Variants in CCDC150 observed in about 807,000 individuals in gnomAD.
CCDC150 encodes coiled-coil domain-containing protein 150.
A neutral mutation model predicts 156.5 loss-of-function variants in CCDC150; 151 were observed. That is an observed-to-expected ratio of 0.97 (90% CI 0.85 to 1.10). The LOEUF (loss-of-function observed/expected upper bound fraction) is 1.10, where lower values mean the gene tolerates loss of function less well. Ranked by LOEUF, CCDC150 falls within the 50% of genes least tolerant of loss-of-function variation. The pLI is 0.00. For synonymous variants in CCDC150, 452 were observed against 429.4 expected (o/e 1.05, Z -0.65); for missense variants, 1,312 against 1,268.1 (o/e 1.03, Z -0.53).
At chr2:196,717,222 G>C (rs1039141029) in intron 17 of CCDC150, among the ~76,000 whole-genome samples, 1 of 151,980 alleles carries the variant, frequency 6.6e-6, no homozygotes, top group African/African-American at 2.4e-5. Flanking sequence ...TGTAGAAATA[G>C]AGAACAAATT....
chr2:196,723,473 G>A (rs1441000965), intron 21 of CCDC150, among the ~76,000 whole-genome samples: 2 of 152,210 alleles, frequency 1.3e-5, no homozygotes, highest in Non-Finnish European at 2.9e-5. Flanking sequence ...CTGCACTCCA[G>A]CCTGGGTGAC....
intron 15 of CCDC150, among the ~76,000 whole-genome samples, chr2:196,710,115 G>C (rs1457550839): frequency 6.6e-6 from 1 of 152,214 alleles, no homozygotes; most frequent in Non-Finnish European, 1.5e-5. Flanking sequence ...CCTGCCCCCA[G>C]AGGTGGAGTC....
chr2:196,732,626 C>A lies in CCDC150; in HGVS notation c.*64C>A. 2 of 1,099,482 alleles carry A rather than the reference C, an allele frequency of 1.8e-6. No individual in the cohort carries two copies. Among genetic ancestry groups the A allele is most frequent in the South Asian group, 2.5e-5 (2 of 79,420 alleles). The allele number at this position is 1,099,482 out of a possible 1,614,324, so 68.1% of individuals were successfully genotyped here. A position where few individuals can be genotyped will look rare whatever the true frequency, so the allele number is the denominator to read the frequency against. ...TCCATGATTCCAAGAGCCCAGCAGC[C>A]GGGGCTGGCCTGTTTCTAGAGTCAT... On this transcript the variant is annotated 3_prime_UTR_variant, in exon 28 of 28. Transcript: ENST00000389175.
At chr2:196,694,183 A>G (rs1695668141) in intron 13 of CCDC150, among the ~76,000 whole-genome samples, 1 of 151,618 alleles carries the variant, frequency 6.6e-6, no homozygotes, top group African/African-American at 2.4e-5. Context: ...CAGCCTCCCA[A>G]GTAGCTGGGA....
chr2:196,671,340 C>T (rs1241849744), intron 8 of CCDC150, among the ~76,000 whole-genome samples: 3 of 151,786 alleles, frequency 2.0e-5, no homozygotes, highest in East Asian at 1.9e-4. Flanking sequence ...GCCTTTCAGA[C>T]TGGCTTCTTT....
intron 9 of CCDC150, 25 bp downstream of exon 9, chr2:196,672,462 T>G (rs770903455): frequency 8.7e-6 from 11 of 1,257,320 alleles, no homozygotes; most frequent in Non-Finnish European, 1.2e-5. Flanking sequence ...TTTTGTTAGT[T>G]TTTAGATGTT....
chr2:196,685,933 A>G (rs1228291419), intron 13 of CCDC150, among the ~76,000 whole-genome samples: 1 of 152,084 alleles, frequency 6.6e-6, no homozygotes, highest in African/African-American at 2.4e-5. Context: ...TTTTTCTTTC[A>G]GCATTTTGAA....
At chr2:196,668,029 G>A (rs964713013) in intron 7 of CCDC150, 2 of 152,220 alleles carry the variant, frequency 1.3e-5, no homozygotes, top group Admixed American at 6.5e-5. Context: ...GTTGAGCGTG[G>A]TGGCTCAGCC....
At chr2:196,720,168 T>A (rs1269697369) in intron 19 of CCDC150, 10 of 397,044 alleles carry the variant, frequency 2.5e-5, no homozygotes, top group Non-Finnish European at 2.0e-5. Flanking sequence ...TAAAATTTCC[T>A]TTTAGGTTAA....
intron 13 of CCDC150, among the ~76,000 whole-genome samples, chr2:196,690,382 TAATA>T (rs937271383): frequency 6.6e-6 from 1 of 152,068 alleles, no homozygotes; most frequent in African/African-American, 2.4e-5. Context: ...TAAAGTATAA[TAATA>T]ATAAAATAAA....
chr2:196,656,498 T>G (rs1693195731), intron 2 of CCDC150, 135 bp from the exon 3 acceptor site: 3 of 642,292 alleles, frequency 4.7e-6, no homozygotes, highest in Non-Finnish European at 8.2e-6. Context: ...GGAGGGAGAG[T>G]CAGAAGCCTG....
chr2:196,649,622 A>G (rs1692759645), intron 2 of CCDC150, among the ~76,000 whole-genome samples: 1 of 152,146 alleles, frequency 6.6e-6, no homozygotes, highest in Non-Finnish European at 1.5e-5. Context: ...CATATCTCAG[A>G]ATGTATCCCT....
chr2:196,687,470 T>G lies in CCDC150; in HGVS notation c.1510-7576T>G, dbSNP rs558496531. 2.6e-5 allele frequency among the ~76,000 whole-genome samples: 4 copies of G among 152,302 alleles called. No homozygotes were observed. In the South Asian group the frequency reaches 8.3e-4, roughly 32 times the overall value. On this transcript the variant is annotated intron_variant, in intron 13 of 27. Coordinates refer to ENST00000389175, the MANE Select transcript of CCDC150 (RefSeq NM_001080539.2). ...TGCCCACTGTTTAATGAGGTTGTCT[T>G]TTTCTTGCAAATTTAAGTTCCTTAT...
chr2:196,666,109 A>AT (rs1693825167), intron 6 of CCDC150, among the ~76,000 whole-genome samples: 1 of 152,234 alleles, frequency 6.6e-6, no homozygotes, highest in African/African-American at 2.4e-5. Flanking sequence ...CACTGGAAGC[A>AT]TATCAATAAG....
intron 22 of CCDC150, 99 bp from the exon 23 acceptor site, chr2:196,729,094 A>T: frequency 1.8e-6 from 2 of 1,094,460 alleles, no homozygotes; most frequent in Non-Finnish European, 1.3e-6. Flanking sequence ...TCTCCTTTTT[A>T]AAAGAAGATC....
chr2:196,726,274 A>G (rs1698202829), intron 22 of CCDC150, 175 bp downstream of exon 22: 8 of 612,164 alleles, frequency 1.3e-5, no homozygotes, highest in Non-Finnish European at 2.1e-5. Flanking sequence ...AGTTTCTGAC[A>G]TAATTCTCTG....
chr2:196,723,866 T>C (rs1043811399), intron 21 of CCDC150, among the ~76,000 whole-genome samples: 2 of 152,014 alleles, frequency 1.3e-5, no homozygotes, highest in African/African-American at 2.4e-5. Flanking sequence ...AAGAGGACAA[T>C]GGTGAAGATA....
chr2:196,651,104 A>G lies in CCDC150; in HGVS notation c.176+4600A>G, dbSNP rs541194343. Among the ~76,000 whole-genome samples, 46 of 152,308 alleles carry G rather than the reference A, an allele frequency of 3.0e-4. No homozygotes were observed. The South Asian group carries it at 9.5e-3, about 32-fold the overall frequency. ...GCTGTGTGGTTATTCTGAGGATTAC[A>G]AAAAACACAGTAGGCTATTTTAAGG... is the stretch of plus-strand genomic sequence containing the variant. On this transcript the variant is annotated intron_variant, in intron 2 of 27. Transcript: ENST00000389175.
Position 196,676,574 on chromosome 2 carries a change from A to G in CCDC150, c.1283A>G (p.His428Arg), listed in dbSNP as rs754768005. Residue 428 changes from histidine to arginine, a missense_variant, in exon 12 of 28, where the codon CAT becomes CGT. By Grantham distance (29) the His-to-Arg change is conservative. Transcript: ENST00000389175. Reference protein sequence around the residue: ...QAHLDHLILEHNQCIQKAQDA... With the variant: ...QAHLDHLILERNQCIQKAQDA... ...TGCAGGGATCATTTAATCCTTGAGC[A>G]TAACCAGTGTATCCAGAAAGCACAG... 1 of 1,613,406 alleles carries G rather than the reference A, an allele frequency of 6.2e-7. No homozygotes were observed. The highest frequency in any genetic ancestry group is 2.2e-5 in the East Asian group (1 of 44,854).
Sources: allele counts gnomAD v4.1 joint callset (sites outside exome capture counted in the v4.1 genomes callset), GRCh38; gene constraint gnomAD v4.1.1; transcripts MANE v1.5; gene names NCBI Gene and HGNC (gene_info 2026-07-23, HGNC 2026-07-21).